Variants in FKBP5 observed in about 807,000 individuals in gnomAD.
FKBP5 encodes FKBP prolyl isomerase 5.
Under a neutral mutation model 50.5 loss-of-function variants are expected in FKBP5, and 23 were observed. The observed-to-expected ratio is 0.46, with a 90% CI of 0.33 to 0.65. The LOEUF is 0.65. Among genes scored for constraint, FKBP5 ranks in the 30% least tolerant of loss-of-function variants. FKBP5 has a pLI of 0.02. For missense variants in FKBP5, 411 were observed against 553.1 expected (o/e 0.74, Z 2.58); for synonymous variants, 176 against 190.6 (o/e 0.92, Z 0.63).
chr6:35,611,208 T>G (rs965263250), intron 5 of FKBP5, among the ~76,000 whole-genome samples: 2 of 152,282 alleles, frequency 1.3e-5, no homozygotes, highest in African/African-American at 4.8e-5. Flanking sequence ...CACTCTTACA[T>G]TCCTCTCCTT....
chr6:35,635,026 C>CAAAAAAAAAAAAAAAAAA (rs35794477), intron 3 of FKBP5, among the ~76,000 whole-genome samples: 9 of 75,118 alleles, frequency 1.2e-4, no homozygotes, highest in African/African-American at 3.8e-4. Context: ...CCTGTCTCTA[C>CAAAAAAAAAAAAAAAAAA]AAAAAAAAAA....
intron 1 of FKBP5, among the ~76,000 whole-genome samples, chr6:35,688,091 C>G (rs1458769245): frequency 1.3e-5 from 2 of 152,258 alleles, no homozygotes; most frequent in African/African-American, 4.8e-5. Context: ...TGACGCGGAT[C>G]ACCTGTTAGA....
chr6:35,648,733 G>C (rs1764701223), intron 1 of FKBP5, among the ~76,000 whole-genome samples: 1 of 152,094 alleles, frequency 6.6e-6, no homozygotes, highest in Non-Finnish European at 1.5e-5. Context: ...CAGATGACTT[G>C]AGGTCAGGAG....
intron 5 of FKBP5, among the ~76,000 whole-genome samples, chr6:35,603,836 G>C (rs575547709): frequency 5.3e-4 from 80 of 152,166 alleles, no homozygotes; most frequent in South Asian, 3.5e-3. Context: ...CTCCCAAGTA[G>C]CTGGGACTAC....
chr6:35,636,796 T>C (rs1253545243), intron 3 of FKBP5, among the ~76,000 whole-genome samples: 1 of 152,130 alleles, frequency 6.6e-6, no homozygotes, highest in East Asian at 1.9e-4. Context: ...GTCAATACAG[T>C]AAAATGGCAA....
chr6:35,575,580 GC>G lies in FKBP5; in HGVS notation c.*254del. On this transcript the variant is annotated 3_prime_UTR_variant, in exon 11 of 11. Transcript: ENST00000357266. ...AGAAACTGAAATGAGCTGGACTTAAGCTGCTGGCTCACTCCCTCCACACCAC... is the reference window on the plus strand; with the variant it reads ...AGAAACTGAAATGAGCTGGACTTAAGTGCTGGCTCACTCCCTCCACACCAC... 1 of 447,734 alleles carries G rather than the reference GC, an allele frequency of 2.2e-6. No individual in the cohort carries two copies. The highest frequency in any genetic ancestry group is 3.6e-5 in the East Asian group (1 of 27,518). The allele number at this position is 447,734 out of a possible 1,614,324, so 27.7% of individuals were successfully genotyped here. A position where few individuals can be genotyped will look rare whatever the true frequency, so the allele number is the denominator to read the frequency against.
chr6:35,578,853 T>C (rs1452547694), intron 9 of FKBP5, among the ~76,000 whole-genome samples: 16 of 152,106 alleles, frequency 1.1e-4, no homozygotes, highest in Admixed American at 1.0e-3. Context: ...TGACTGCTTC[T>C]GTCAATAGAA....
intron 5 of FKBP5, among the ~76,000 whole-genome samples, chr6:35,599,064 C>T (rs982459037): frequency 6.6e-6 from 1 of 151,632 alleles, no homozygotes; most frequent in East Asian, 1.9e-4. Context: ...ATATTCAAAT[C>T]TAGAGATTTC....
intron 1 of FKBP5, among the ~76,000 whole-genome samples, chr6:35,675,508 T>G (rs1765503520): frequency 6.6e-6 from 1 of 152,138 alleles, no homozygotes; most frequent in South Asian, 2.1e-4. Context: ...AGACAGAGGT[T>G]GCAGTGAGCC....
At chr6:35,718,428 C>T (rs1233682865) in intron 2 of FKBP5, among the ~76,000 whole-genome samples, 1 of 152,182 alleles carries the variant, frequency 6.6e-6, no homozygotes, top group East Asian at 1.9e-4. Context: ...GAGGGAACAC[C>T]GGGGAATCGG....
chr6:35,672,580 T>C (rs573427224), intron 1 of FKBP5, among the ~76,000 whole-genome samples: 8 of 151,758 alleles, frequency 5.3e-5, no homozygotes, highest in African/African-American at 1.7e-4. Flanking sequence ...ATACACAACA[T>C]GAAAAGCTTA....
intron 8 of FKBP5, chr6:35,586,025 C>G: frequency 1.0e-6 from 1 of 985,378 alleles, no homozygotes; most frequent in African/African-American, 1.7e-5. Context: ...TTATGCCTCA[C>G]TGCTTTATAC....
chr6:35,604,148 C>T (rs1763235671), intron 5 of FKBP5, among the ~76,000 whole-genome samples: 1 of 151,830 alleles, frequency 6.6e-6, no homozygotes, highest in East Asian at 1.9e-4. Context: ...GCTGGGACTA[C>T]AGGCACACAC....
intron 2 of FKBP5, among the ~76,000 whole-genome samples, chr6:35,708,547 T>C (rs559148651): frequency 4.2e-4 from 63 of 150,674 alleles, no homozygotes; most frequent in African/African-American, 1.4e-3. Flanking sequence ...CCATTGCGCC[T>C]GGCCTTGTAC....
chr6:35,668,072 A>G (rs1288746493), intron 1 of FKBP5, among the ~76,000 whole-genome samples: 1 of 152,262 alleles, frequency 6.6e-6, no homozygotes. Flanking sequence ...TTTCTTCACT[A>G]ATTTAATTTT....
chr6:35,727,786 G>A (rs953747840), intron 1 of FKBP5, among the ~76,000 whole-genome samples: 1 of 152,194 alleles, frequency 6.6e-6, no homozygotes, highest in Non-Finnish European at 1.5e-5. Flanking sequence ...GGAGAGCGCT[G>A]GCGGCAGCCT....
intron 7 of FKBP5, among the ~76,000 whole-genome samples, chr6:35,589,974 T>C (rs144265521): frequency 1.5e-3 from 229 of 152,304 alleles, no homozygotes; most frequent in African/African-American, 5.2e-3. Flanking sequence ...TCTAACAAAA[T>C]ATAAATGGTC....
At position 35,661,770 on chromosome 6, in the gene FKBP5, C is replaced by CAA. The variant is rs767195179; in HGVS notation, c.-19-18929_-19-18928dup. Among the ~76,000 whole-genome samples, 47 of 33,280 alleles carry CAA rather than the reference C, an allele frequency of 1.4e-3. 12 individuals are homozygous for CAA. Among genetic ancestry groups the CAA allele is most frequent in the African/African-American group, 4.1e-3 (46 of 11,158 alleles). The allele number at this position is 33,280 out of a possible 152,430, so 21.8% of individuals were successfully genotyped here. The stretch of plus-strand genomic sequence containing the variant: ...GGGTGACAAGAGCAAAACTCCGTCT[C>CAA]AAAAAAAAAAAAAAAAAGAGTATGG... On this transcript the variant is annotated intron_variant, in intron 1 of 10. Transcript: ENST00000357266.
chr6:35,716,873 C>T (rs563985823), intron 2 of FKBP5, among the ~76,000 whole-genome samples: 1 of 152,208 alleles, frequency 6.6e-6, no homozygotes, highest in African/African-American at 2.4e-5. Context: ...ATTGAGCCCT[C>T]TTCTAAGACT....
Sources: gnomAD v4.1 joint callset for allele counts (sites outside exome capture counted in the v4.1 genomes callset) on GRCh38, gnomAD v4.1.1 for gene constraint, MANE v1.5 for transcripts, NCBI Gene and HGNC (gene_info 2026-07-23, HGNC 2026-07-21) for gene names.